The following AIDA variants were observed in gnomAD, a reference collection of about 807,000 sequenced individuals.
AIDA encodes axin interactor, dorsalization-associated protein.
A neutral mutation model predicts 42.7 loss-of-function variants in AIDA; 18 were observed. That is an observed-to-expected ratio of 0.42 (90% CI 0.29 to 0.63). The LOEUF is 0.63. AIDA is among the 20% of genes least tolerant of loss of function. The pLI is 0.19. For missense variants in AIDA, 250 were observed against 354.1 expected (o/e 0.71, Z 2.36); for synonymous variants, 104 against 122.9 (o/e 0.85, Z 1.02).
intron 6 of AIDA, among the ~76,000 whole-genome samples, chr1:222,686,188 G>T (rs1370698683): frequency 6.6e-6 from 1 of 151,952 alleles, no homozygotes; most frequent in Non-Finnish European, 1.5e-5. Flanking sequence ...AACAAAAGAA[G>T]TACTTATGAC....
At chr1:222,698,667 T>C (rs1318678631) in intron 2 of AIDA, among the ~76,000 whole-genome samples, 1 of 151,994 alleles carries the variant, frequency 6.6e-6, no homozygotes, top group Admixed American at 6.6e-5. Context: ...GGCAGGCTGG[T>C]CTCGAATTCC....
rs1163545406 is a variant in AIDA at position 222,668,652 on chromosome 1, A to G, written c.*1241T>C. 8.3e-5 allele frequency: 8 copies of G among 96,486 alleles called. No homozygotes were observed. Among genetic ancestry groups the G allele is most frequent in the Non-Finnish European group, 1.4e-4 (7 of 48,654 alleles). 6.0% of individuals were successfully genotyped at this position (96,486 alleles called of 1,614,324 possible). A position where few individuals can be genotyped will look rare whatever the true frequency, so the allele number is the denominator to read the frequency against. ...TGAATGGTATGACTAGGGTGATTACACTAGTTTAAAAATAGGCCAGGTACT... is the reference window on the plus strand; with the variant it reads ...TGAATGGTATGACTAGGGTGATTACGCTAGTTTAAAAATAGGCCAGGTACT... On this transcript the variant is annotated 3_prime_UTR_variant, in exon 10 of 10. Coordinates refer to ENST00000340020, the MANE Select transcript of AIDA (RefSeq NM_022831.4).
At chr1:222,701,691 T>C (rs1655710338) in intron 2 of AIDA, among the ~76,000 whole-genome samples, 1 of 152,118 alleles carries the variant, frequency 6.6e-6, no homozygotes, top group Non-Finnish European at 1.5e-5. Flanking sequence ...TATTAGGAGC[T>C]ACTAAGAAAA....
chr1:222,681,567 G>A (rs1488030578), intron 6 of AIDA, among the ~76,000 whole-genome samples: 2 of 152,192 alleles, frequency 1.3e-5, no homozygotes, highest in African/African-American at 2.4e-5. Flanking sequence ...GGAGGCTGAC[G>A]CAGGAGAATT....
chr1:222,699,403 A>G (rs1655618245), intron 2 of AIDA, among the ~76,000 whole-genome samples: 2 of 152,244 alleles, frequency 1.3e-5, no homozygotes, highest in Admixed American at 6.5e-5. Context: ...AACAGTTTAT[A>G]TCAAAATTTC....
chr1:222,674,042 G>A (rs532273776), intron 7 of AIDA, among the ~76,000 whole-genome samples: 31 of 152,172 alleles, frequency 2.0e-4, no homozygotes, highest in African/African-American at 5.5e-4. Flanking sequence ...AGCCAAGATC[G>A]CGCCACTGCA....
chr1:222,712,186 G>T, intron 1 of AIDA, 22 bp downstream of exon 1: 1 of 1,583,246 alleles, frequency 6.3e-7, no homozygotes, highest in Non-Finnish European at 8.6e-7. Context: ...GGTCTGGCCT[G>T]CTCCCGCGGT....
At chr1:222,677,488 G>A (rs1158864087) in intron 6 of AIDA, among the ~76,000 whole-genome samples, 1 of 152,114 alleles carries the variant, frequency 6.6e-6, no homozygotes, top group Non-Finnish European at 1.5e-5. Flanking sequence ...CCCTTGTTTT[G>A]TTCCTGATCT....
intron 1 of AIDA, chr1:222,711,797 GA>G (rs1405712305): frequency 5.0e-6 from 1 of 201,798 alleles, no homozygotes; most frequent in Non-Finnish European, 1.0e-5. Flanking sequence ...CGTGGGCGGA[GA>G]ACACACAAGT....
Position 222,671,355 on chromosome 1 carries a change from C to G in AIDA, c.707-1105G>C, listed in dbSNP as rs141551269. Among the ~76,000 whole-genome samples, 231 of 152,244 alleles carry G rather than the reference C, an allele frequency of 1.5e-3. 6 individuals are homozygous for G. In the South Asian group the frequency reaches 0.021, roughly 14 times the overall value. On this transcript the variant is annotated intron_variant, in intron 8 of 9. Transcript: ENST00000340020. ...TAAGTTGCCTCATCAATGTGGCCAA[C>G]AAAAATGAATTTCTAAAGAAGGCAT... is the stretch of plus-strand genomic sequence containing the variant.
intron 6 of AIDA, among the ~76,000 whole-genome samples, chr1:222,678,797 T>C (rs1379870695): frequency 6.6e-6 from 1 of 152,196 alleles, no homozygotes; most frequent in Non-Finnish European, 1.5e-5. Context: ...GCTCTCTCCC[T>C]GCCTAGTCAA....
At chr1:222,711,529 T>C (rs932635123) in intron 1 of AIDA, 12 of 151,976 alleles carry the variant, frequency 7.9e-5, no homozygotes, top group African/African-American at 2.7e-4. Flanking sequence ...AGCGAGGGGG[T>C]GGGTGGGACT....
chr1:222,710,527 A>G lies in AIDA; in HGVS notation c.110+1681T>C, dbSNP rs565609947. Among the ~76,000 whole-genome samples, 5 of 152,338 alleles carry G rather than the reference A, an allele frequency of 3.3e-5. No individual in the cohort carries two copies. The South Asian group carries it at 1.0e-3, about 32-fold the overall frequency. ...GGTCTCACCACCTCACAAGTAAGAG[A>G]TGGCTTTCTATTTCAAACTATGCAA... On this transcript the variant is annotated intron_variant, in intron 1 of 9. Coordinates refer to ENST00000340020, the MANE Select transcript of AIDA (RefSeq NM_022831.4).
intron 2 of AIDA, among the ~76,000 whole-genome samples, chr1:222,696,711 T>A (rs1252316655): frequency 6.6e-6 from 1 of 152,242 alleles, no homozygotes; most frequent in African/African-American, 2.4e-5. Context: ...TACTTTCATG[T>A]TCTTTGAAAA....
chr1:222,677,160 T>C (rs1208468282), intron 6 of AIDA, among the ~76,000 whole-genome samples: 3 of 152,180 alleles, frequency 2.0e-5, no homozygotes, highest in Non-Finnish European at 2.9e-5. Flanking sequence ...GATACTATTA[T>C]AGACGTTATA....
intron 2 of AIDA, among the ~76,000 whole-genome samples, chr1:222,695,975 T>TA (rs1270511992): frequency 6.6e-6 from 1 of 152,170 alleles, no homozygotes; most frequent in African/African-American, 2.4e-5. Context: ...CTACCACATC[T>TA]ACAATAAACG....
At chr1:222,708,996 T>C (rs555400534) in intron 1 of AIDA, among the ~76,000 whole-genome samples, 32 of 152,294 alleles carry the variant, frequency 2.1e-4, no homozygotes, top group African/African-American at 7.2e-4. Flanking sequence ...AGCCTAGTAC[T>C]ACTCTGGACA....
intron 5 of AIDA, 125 bp downstream of exon 5, chr1:222,687,470 T>C (rs2124957010): frequency 3.6e-6 from 3 of 829,534 alleles, no homozygotes; most frequent in South Asian, 1.8e-5. Flanking sequence ...AATGCTGATA[T>C]ACTGTTATCA....
chr1:222,679,607 C>T (rs1380138708), intron 6 of AIDA, among the ~76,000 whole-genome samples: 1 of 152,206 alleles, frequency 6.6e-6, no homozygotes, highest in Non-Finnish European at 1.5e-5. Context: ...CACCCTATAA[C>T]AAGGTGTCCC....
Sources: gnomAD v4.1 joint callset for allele counts (sites outside exome capture counted in the v4.1 genomes callset) on GRCh38, gnomAD v4.1.1 for gene constraint, MANE v1.5 for transcripts, NCBI Gene and HGNC (gene_info 2026-07-23, HGNC 2026-07-21) for gene names.